The following DSCAM variants were observed in gnomAD, a reference collection of about 807,000 sequenced individuals.
DSCAM encodes the protein DS cell adhesion molecule.
Under a neutral mutation model 217.7 loss-of-function variants are expected in DSCAM, and 47 were observed. That is an observed-to-expected ratio of 0.22 (90% CI 0.17 to 0.28). The LOEUF (loss-of-function observed/expected upper bound fraction) is 0.28. Ranked by LOEUF, DSCAM falls within the 10% of genes least tolerant of loss-of-function variation. The probability of loss-of-function intolerance (pLI) is 1.00; values close to 1 mark genes in which losing one functional copy is unlikely to be tolerated. For missense variants in DSCAM, 2,080 were observed against 2,618.3 expected (o/e 0.79, Z 4.49); for synonymous variants, 1,056 against 1,015.3 (o/e 1.04, Z -0.76).
At chr21:40,238,512 C>T (rs77620730) in intron 11 of DSCAM, among the ~76,000 whole-genome samples, 3 of 152,298 alleles carry the variant, frequency 2.0e-5, no homozygotes, top group African/African-American at 4.8e-5. Flanking sequence ...CTAAACTCCA[C>T]CTAGCAGGTA....
chr21:40,691,026 C>T (rs2090532584), intron 3 of DSCAM, among the ~76,000 whole-genome samples: 1 of 152,040 alleles, frequency 6.6e-6, no homozygotes, highest in African/African-American at 2.4e-5. Flanking sequence ...TACAACAAAC[C>T]CCCATGACAC....
In DSCAM at chr21:40,011,055, A is replaced by G. The variant is rs2088049099; in HGVS notation, c.*1979T>C. The G allele has an allele frequency of 6.6e-6, 1 of 152,172 alleles. No individual in the cohort carries two copies. The highest frequency in any genetic ancestry group is 2.1e-4 in the South Asian group (1 of 4,830). The allele number at this position is 152,172 out of a possible 1,614,324, so 9.4% of individuals were successfully genotyped here. ...TGAGAGAAAAATGTTAAAAAGGTAAACTTCTATGTTTGGGGGATATAGAAG... is the reference window on the plus strand; with the variant it reads ...TGAGAGAAAAATGTTAAAAAGGTAAGCTTCTATGTTTGGGGGATATAGAAG... On this transcript the variant is annotated 3_prime_UTR_variant, in exon 33 of 33. Transcript: ENST00000400454.
intron 3 of DSCAM, among the ~76,000 whole-genome samples, chr21:40,610,005 T>C (rs372175558): frequency 6.6e-6 from 1 of 152,228 alleles, no homozygotes; most frequent in Non-Finnish European, 1.5e-5. Context: ...TCCTGCCTCA[T>C]AGGGAGACGG....
At chr21:40,402,037 TTA>T (rs1313992121) in intron 3 of DSCAM, among the ~76,000 whole-genome samples, 14 of 149,982 alleles carry the variant, frequency 9.3e-5, no homozygotes, top group African/African-American at 2.0e-4. Context: ...TTTATTCTTA[TTA>T]TTCTTATTCC....
intron 6 of DSCAM, among the ~76,000 whole-genome samples, chr21:40,341,789 G>C (rs1033085543): frequency 6.6e-6 from 1 of 152,172 alleles, no homozygotes; most frequent in East Asian, 1.9e-4. Flanking sequence ...CTAACTCACT[G>C]TCCACAGCAA....
At chr21:40,077,290 G>T (rs1464645053) in intron 26 of DSCAM, among the ~76,000 whole-genome samples, 1 of 152,208 alleles carries the variant, frequency 6.6e-6, no homozygotes, top group Non-Finnish European at 1.5e-5. Context: ...GAAGACCCTG[G>T]ACTCTGGCAG....
At chr21:40,703,646 ATATTT>A (rs1308481376) in intron 2 of DSCAM, among the ~76,000 whole-genome samples, 1 of 151,972 alleles carries the variant, frequency 6.6e-6, no homozygotes, top group Non-Finnish European at 1.5e-5. Flanking sequence ...GCTGCTTTTG[ATATTT>A]TATTATTGCG....
intron 3 of DSCAM, among the ~76,000 whole-genome samples, chr21:40,596,352 A>G (rs955065328): frequency 1.3e-5 from 2 of 152,244 alleles, no homozygotes; most frequent in Admixed American, 6.5e-5. Context: ...ATTTTAAAGC[A>G]TATTAGAGCC....
intron 3 of DSCAM, among the ~76,000 whole-genome samples, chr21:40,496,739 T>C (rs988609056): frequency 1.3e-5 from 2 of 152,112 alleles, no homozygotes; most frequent in African/African-American, 4.8e-5. Flanking sequence ...TCAAGCCATA[T>C]GTCTGATAAG....
Position 40,347,965 on chromosome 21 carries a change from A to C in DSCAM, c.935-20T>G. 6.3e-7 allele frequency: 1 copy of C among 1,599,108 alleles called. No individual in the cohort carries two copies. Among genetic ancestry groups the C allele is most frequent in the Non-Finnish European group, 8.5e-7 (1 of 1,172,162 alleles). On this transcript the variant is annotated intron_variant, in intron 5 of 32. Transcript: ENST00000400454. Reference sequence around the variant, plus strand: ...GTGGCTCTGGAGGTTTTAGTAAGAGAGAGAGAAAAAAGATAAAAACATCAC... The same window carrying C: ...GTGGCTCTGGAGGTTTTAGTAAGAGCGAGAGAAAAAAGATAAAAACATCAC...
chr21:40,446,531 G>T (rs533212448), intron 3 of DSCAM, among the ~76,000 whole-genome samples: 148 of 152,286 alleles, frequency 9.7e-4, no homozygotes, highest in African/African-American at 2.9e-3. Flanking sequence ...AAAAGTGAAG[G>T]ATCAACTGCA....
intron 3 of DSCAM, among the ~76,000 whole-genome samples, chr21:40,424,616 T>C (rs2075455161): frequency 1.3e-5 from 2 of 152,140 alleles, no homozygotes; most frequent in South Asian, 2.1e-4. Context: ...GGTCATATGT[T>C]ATGGAATCCC....
chr21:40,245,987 A>G (rs2146951070), intron 11 of DSCAM, among the ~76,000 whole-genome samples: 1 of 152,198 alleles, frequency 6.6e-6, no homozygotes, highest in East Asian at 1.9e-4. Flanking sequence ...ACTACCCATC[A>G]GATTTTTGTT....
At chr21:40,120,482 C>T (rs965235649) in intron 20 of DSCAM, among the ~76,000 whole-genome samples, 14 of 152,176 alleles carry the variant, frequency 9.2e-5, no homozygotes, top group Non-Finnish European at 2.1e-4. Flanking sequence ...GGAAATGAAG[C>T]TTGGCTGTTT....
chr21:40,791,634 C>A (rs950033793), intron 1 of DSCAM, among the ~76,000 whole-genome samples: 3 of 152,112 alleles, frequency 2.0e-5, no homozygotes, highest in African/African-American at 7.2e-5. Flanking sequence ...GCCTGGGCGA[C>A]AGAGAGAGAC....
At chr21:40,095,568 T>C (rs2089665752) in intron 20 of DSCAM, among the ~76,000 whole-genome samples, 1 of 152,182 alleles carries the variant, frequency 6.6e-6, no homozygotes, top group Non-Finnish European at 1.5e-5. Context: ...GAATGACTGC[T>C]AATGGGCGTG....
At chr21:40,799,071 C>T (rs1205000209) in intron 1 of DSCAM, among the ~76,000 whole-genome samples, 2 of 152,000 alleles carry the variant, frequency 1.3e-5, no homozygotes, top group Admixed American at 6.6e-5. Flanking sequence ...AGTTTGTAGG[C>T]AAAGGATGGT....
At chr21:40,124,460 TCC>T in intron 19 of DSCAM, 132 bp from the exon 20 acceptor site, 1 of 1,116,244 alleles carries the variant, frequency 9.0e-7, no homozygotes, top group African/African-American at 1.5e-5. Context: ...TTCCGCTGTG[TCC>T]CCCCAAATGC....
intron 3 of DSCAM, among the ~76,000 whole-genome samples, chr21:40,663,967 A>G (rs1183465423): frequency 6.6e-6 from 1 of 152,238 alleles, no homozygotes; most frequent in Non-Finnish European, 1.5e-5. Context: ...CAAAATAAAT[A>G]AAATTCAATA....
Sources: gnomAD v4.1 joint callset for allele counts (sites outside exome capture counted in the v4.1 genomes callset) on GRCh38, gnomAD v4.1.1 for gene constraint, MANE v1.5 for transcripts, NCBI Gene and HGNC (gene_info 2026-07-23, HGNC 2026-07-21) for gene names.